The following ATE1 variants were observed in gnomAD, a reference collection of about 807,000 sequenced individuals.
The protein encoded by ATE1 is arginyltransferase 1.
Under a neutral mutation model 70.5 loss-of-function variants are expected in ATE1, and 36 were observed. That is an observed-to-expected ratio of 0.51 (90% CI 0.39 to 0.67). The LOEUF (loss-of-function observed/expected upper bound fraction) is 0.67. Among genes scored for constraint, ATE1 ranks in the 30% least tolerant of loss-of-function variants. The pLI is 0.00. For missense variants in ATE1, 593 were observed against 629.5 expected, an observed-to-expected ratio of 0.94 and a Z score of 0.62; for synonymous variants, 232 against 219.3, an observed-to-expected ratio of 1.06 and a Z score of -0.51.
At chr10:121,806,458 C>A (rs1339686909) in intron 10 of ATE1, among the ~76,000 whole-genome samples, 1 of 152,072 alleles carries the variant, frequency 6.6e-6, no homozygotes, top group African/African-American at 2.4e-5. Flanking sequence ...GACTCCCCCA[C>A]CCCCAAAAAA....
intron 7 of ATE1, among the ~76,000 whole-genome samples, chr10:121,874,153 C>T (rs945926599): frequency 6.6e-6 from 1 of 152,088 alleles, no homozygotes; most frequent in Non-Finnish European, 1.5e-5. Context: ...ATCTAAATTA[C>T]ACCTCATTGT....
chr10:121,867,554 G>A (rs1322802471), intron 8 of ATE1, among the ~76,000 whole-genome samples: 1 of 151,940 alleles, frequency 6.6e-6, no homozygotes, highest in African/African-American at 2.4e-5. Flanking sequence ...AGAGACTCCC[G>A]TTGTACACCT....
At chr10:121,911,973 C>T (rs745617216) in intron 4 of ATE1, among the ~76,000 whole-genome samples, 43 of 152,072 alleles carry the variant, frequency 2.8e-4, no homozygotes, top group Non-Finnish European at 5.7e-4. Flanking sequence ...GTCTCGATCT[C>T]CTGACCTCGT....
chr10:121,921,094 AT>A (rs1369614766), intron 3 of ATE1, among the ~76,000 whole-genome samples: 1 of 150,488 alleles, frequency 6.6e-6, no homozygotes, highest in Admixed American at 6.6e-5. Flanking sequence ...TTTATTTTAG[AT>A]TCAGGGGGTA....
At chr10:121,911,425 C>T (rs1951420570) in intron 4 of ATE1, among the ~76,000 whole-genome samples, 1 of 144,442 alleles carries the variant, frequency 6.9e-6, no homozygotes, top group Non-Finnish European at 1.5e-5. Flanking sequence ...TAGTGAGACA[C>T]TATCTCTACA....
intron 8 of ATE1, among the ~76,000 whole-genome samples, chr10:121,846,208 A>C (rs1948815146): frequency 6.6e-6 from 1 of 152,172 alleles, no homozygotes. Context: ...TGAAAGAGCA[A>C]CCAATGCACA....
intron 7 of ATE1, among the ~76,000 whole-genome samples, chr10:121,884,573 C>T (rs1249324877): frequency 6.6e-6 from 1 of 151,742 alleles, no homozygotes; most frequent in Non-Finnish European, 1.5e-5. Flanking sequence ...CTGGGTGACA[C>T]AGCAAGAGCC....
intron 11 of ATE1, among the ~76,000 whole-genome samples, chr10:121,745,488 G>A (rs1483445505): frequency 2.0e-5 from 3 of 152,030 alleles, no homozygotes; most frequent in Non-Finnish European, 2.9e-5. Flanking sequence ...AGGCCAAGGT[G>A]GGCAAATCAC....
At position 121,838,371 on chromosome 10, in the gene ATE1, C is replaced by G. The variant is rs896154090; in HGVS notation, c.1158-1554G>C. Among the ~76,000 whole-genome samples the G allele has an allele frequency of 6.7e-5, 6 of 90,132 alleles. No individual in the cohort carries two copies. The East Asian group carries it at 2.3e-3, about 35-fold the overall frequency. 59.1% of individuals were successfully genotyped at this position (90,132 alleles called of 152,430 possible). A position where few individuals can be genotyped will look rare whatever the true frequency, so the allele number is the denominator to read the frequency against. ...CCACCTGCCTCCTTCTCACCAACTC[C>G]ACCTGCCTCTGTGCCCCTTGCATAA... is the stretch of plus-strand genomic sequence containing the variant. On this transcript the variant is annotated intron_variant, in intron 9 of 11. Transcript: ENST00000224652.
At chr10:121,862,557 A>G (rs1435781126) in intron 8 of ATE1, among the ~76,000 whole-genome samples, 1 of 29,462 alleles carries the variant, frequency 3.4e-5, no homozygotes, top group Non-Finnish European at 7.0e-5. Flanking sequence ...TTTTTTTTGT[A>G]GAGACGTGGT....
intron 10 of ATE1, among the ~76,000 whole-genome samples, chr10:121,790,508 G>A (rs981111010): frequency 6.6e-6 from 1 of 152,200 alleles, no homozygotes; most frequent in African/African-American, 2.4e-5. Flanking sequence ...CACGACTTAG[G>A]ATGCCTGTGT....
rs1336605652 is a variant in ATE1, at chr10:121,802,011, T to G, written c.1258-11722A>C. ...TTACAATGAGATAAATCACTAAAAATTCATGAATGCTCTTAAATGAGTCTG... is the reference window on the plus strand; with the variant it reads ...TTACAATGAGATAAATCACTAAAAAGTCATGAATGCTCTTAAATGAGTCTG... On this transcript the variant is annotated intron_variant, in intron 10 of 11. Transcript: ENST00000224652. Among the ~76,000 whole-genome samples the G allele has an allele frequency of 2.6e-5, 4 of 151,954 alleles. No homozygotes were observed. In the East Asian group the frequency reaches 5.8e-4, roughly 22 times the overall value.
chr10:121,753,841 TGA>T (rs1262220943), intron 11 of ATE1, among the ~76,000 whole-genome samples: 1 of 152,148 alleles, frequency 6.6e-6, no homozygotes, highest in Non-Finnish European at 1.5e-5. Flanking sequence ...TTCTCAAAGA[TGA>T]GAGGGAAGTT....
intron 3 of ATE1, among the ~76,000 whole-genome samples, chr10:121,915,666 G>A (rs1010745667): frequency 9.9e-5 from 15 of 151,310 alleles, no homozygotes; most frequent in South Asian, 2.1e-4. Flanking sequence ...GAGGCAGGCG[G>A]ATCACGAGGT....
Position 121,743,651 on chromosome 10 carries a change from A to T in ATE1, c.*29T>A, listed in dbSNP as rs371199945. On this transcript the variant is annotated 3_prime_UTR_variant, in exon 12 of 12. Transcript: ENST00000224652. ...TCCTGGCACAAATCATCAGCACAAC[A>T]CAGGAACTTCCCGGCAGAGGTGAAC... 1.1e-5 allele frequency: 18 copies of T among 1,575,126 alleles called. No homozygotes were observed. The African/African-American group carries it at 2.4e-4, about 21-fold the overall frequency.
chr10:121,793,727 C>T (rs570223770), intron 10 of ATE1, among the ~76,000 whole-genome samples: 1 of 151,976 alleles, frequency 6.6e-6, no homozygotes, highest in Admixed American at 6.6e-5. Context: ...ATATATTAAG[C>T]CCTTGGTTTG....
chr10:121,845,334 C>A (rs1378949446), intron 8 of ATE1, among the ~76,000 whole-genome samples: 1 of 152,100 alleles, frequency 6.6e-6, no homozygotes, highest in African/African-American at 2.4e-5. Context: ...TATGATATTG[C>A]AGCAATAACA....
chr10:121,883,115 T>C (rs1351414490), intron 7 of ATE1, among the ~76,000 whole-genome samples: 1 of 152,156 alleles, frequency 6.6e-6, no homozygotes, highest in Non-Finnish European at 1.5e-5. Context: ...ACAATAAACT[T>C]GGTGATCTAG....
At chr10:121,899,102 C>G (rs898144273) in intron 7 of ATE1, 21 of 1,068,250 alleles carry the variant, frequency 2.0e-5, no homozygotes, top group Non-Finnish European at 2.7e-5. Flanking sequence ...GAAAAGAAAC[C>G]TTAGACGAGG....
Sources: allele counts gnomAD v4.1 joint callset (sites outside exome capture counted in the v4.1 genomes callset), GRCh38; gene constraint gnomAD v4.1.1; transcripts MANE v1.5; gene names NCBI Gene and HGNC (gene_info 2026-07-23, HGNC 2026-07-21).